WDR7: variants seen among roughly 807,000 people sequenced by gnomAD.
WDR7 encodes the protein WD repeat-containing protein 7.
WDR7 carries 46 observed loss-of-function variants against 169.4 expected under a neutral mutation model. That is an observed-to-expected ratio of 0.27 (90% CI 0.21 to 0.35). WDR7 has a LOEUF of 0.35. Ranked by LOEUF, WDR7 falls within the 10% of genes least tolerant of loss-of-function variation. WDR7 has a pLI of 1.00. For missense variants in WDR7, 1,534 were observed against 1,859.3 expected (o/e 0.83, Z 3.22); for synonymous variants, 612 against 666.8 (o/e 0.92, Z 1.27).
chr18:56,749,830 G>T (rs1454718748), intron 14 of WDR7, among the ~76,000 whole-genome samples: 3 of 151,498 alleles, frequency 2.0e-5, no homozygotes, highest in Non-Finnish European at 4.4e-5. Flanking sequence ...TTATAATATT[G>T]GTTTTAGGAA....
intron 26 of WDR7, among the ~76,000 whole-genome samples, chr18:56,974,049 C>G (rs1226967239): frequency 3.9e-5 from 6 of 152,174 alleles, no homozygotes; most frequent in Admixed American, 1.3e-4. Flanking sequence ...AGTTCTGGAA[C>G]ATTTTTCTTG....
intron 14 of WDR7, among the ~76,000 whole-genome samples, chr18:56,738,708 CA>C (rs1182969210): frequency 6.6e-6 from 1 of 150,422 alleles, no homozygotes; most frequent in Non-Finnish European, 1.5e-5. Flanking sequence ...GAATAGCAAT[CA>C]GGAAATTTCG....
At chr18:56,998,132 G>A (rs937604627) in intron 26 of WDR7, among the ~76,000 whole-genome samples, 2 of 152,080 alleles carry the variant, frequency 1.3e-5, no homozygotes, top group Admixed American at 6.5e-5. Context: ...AGAGTGCTGA[G>A]GTCATTTTTC....
At chr18:56,988,100 C>T (rs140526793) in intron 26 of WDR7, among the ~76,000 whole-genome samples, 192 of 152,276 alleles carry the variant, frequency 1.3e-3, no homozygotes, top group African/African-American at 4.5e-3. Context: ...CTTCAGCCAC[C>T]AGATTTAAGT....
chr18:56,918,793 A>G (rs1280926354), intron 21 of WDR7, among the ~76,000 whole-genome samples: 1 of 152,256 alleles, frequency 6.6e-6, no homozygotes, highest in Non-Finnish European at 1.5e-5. Flanking sequence ...TGCTAGGCAC[A>G]TATGGTATAA....
chr18:56,697,451 AT>A (rs2025728630), intron 12 of WDR7, among the ~76,000 whole-genome samples: 1 of 151,976 alleles, frequency 6.6e-6, no homozygotes, highest in Admixed American at 6.6e-5. Context: ...GTTTCTCATT[AT>A]TTTTCCTGGC....
At chr18:56,811,205 T>C (rs1049171812) in intron 19 of WDR7, among the ~76,000 whole-genome samples, 1 of 152,218 alleles carries the variant, frequency 6.6e-6, no homozygotes, top group African/African-American at 2.4e-5. Context: ...TACTTTCCAC[T>C]TTTTGGCTTT....
chr18:56,991,213 C>T (rs1011998047), intron 26 of WDR7, among the ~76,000 whole-genome samples: 2 of 143,040 alleles, frequency 1.4e-5, no homozygotes, highest in South Asian at 2.2e-4. Flanking sequence ...GTGGCACGAT[C>T]GCGGCTCACC....
At chr18:56,780,429 A>G (rs1302433973) in intron 18 of WDR7, among the ~76,000 whole-genome samples, 1 of 152,194 alleles carries the variant, frequency 6.6e-6, no homozygotes, top group Non-Finnish European at 1.5e-5. Flanking sequence ...TTCATTGAAT[A>G]ATATTTTGAA....
At chr18:56,744,245 G>GAAAAAAAAAAAAAAA (rs58110613) in intron 14 of WDR7, among the ~76,000 whole-genome samples, 1 of 86,884 alleles carries the variant, frequency 1.2e-5, no homozygotes, top group African/African-American at 4.1e-5. Flanking sequence ...TCTCAAAAAA[G>GAAAAAAAAAAAAAAA]AAAAAAAAAA....
Position 56,935,789 on chromosome 18 carries a change from A to C in WDR7, c.3715A>C (p.Ile1239Leu). ...TCCCTTTTTCTGATCCCTGTTTAGC[A>C]TCACAATGGGGTTGCCTCTGAGCCC... ...CADAEKQLAN[I>L]TMGLPLSPAA... Residue 1239 changes from isoleucine to leucine, a missense_variant and splice_region_variant, in exon 23 of 28, where the codon ATC (isoleucine) becomes CTC (leucine). By Grantham distance (5) the Ile-to-Leu change is conservative. Transcript: ENST00000254442. 1 of 1,613,912 alleles carries C rather than the reference A, an allele frequency of 6.2e-7. No individual in the cohort carries two copies. The highest frequency in any genetic ancestry group is 8.5e-7 in the Non-Finnish European group (1 of 1,179,970).
At chr18:56,673,950 T>C (rs148032339) in intron 2 of WDR7, among the ~76,000 whole-genome samples, 96 of 152,342 alleles carry the variant, frequency 6.3e-4, no homozygotes, top group African/African-American at 2.2e-3. Flanking sequence ...ATAATATGTG[T>C]TTTTTTATGA....
intron 20 of WDR7, among the ~76,000 whole-genome samples, chr18:56,818,713 A>G (rs2045027634): frequency 6.6e-6 from 1 of 152,210 alleles, no homozygotes; most frequent in Non-Finnish European, 1.5e-5. Flanking sequence ...TCCTATATAA[A>G]TTGCATTATG....
intron 21 of WDR7, among the ~76,000 whole-genome samples, chr18:56,914,702 C>A (rs1406598074): frequency 1.3e-5 from 2 of 152,098 alleles, no homozygotes; most frequent in African/African-American, 4.8e-5. Context: ...TTATTTACTT[C>A]TTTATTGCTG....
At chr18:56,988,816 A>G (rs2047767397) in intron 26 of WDR7, among the ~76,000 whole-genome samples, 1 of 152,178 alleles carries the variant, frequency 6.6e-6, no homozygotes, top group Non-Finnish European at 1.5e-5. Flanking sequence ...TTTTTAACTT[A>G]TTTGCAATTA....
chr18:56,955,823 A>T (rs372983051), intron 25 of WDR7, among the ~76,000 whole-genome samples: 1 of 152,166 alleles, frequency 6.6e-6, no homozygotes, highest in Non-Finnish European at 1.5e-5. Context: ...CCCCTGTTCC[A>T]TATCAGGACA....
chr18:56,717,964 G>T lies in WDR7; in HGVS notation c.1579G>T (p.Ala527Ser), dbSNP rs780503032. Residue 527 changes from alanine (A) to serine (S), a missense_variant and splice_region_variant, in exon 13 of 28, where the codon GCA becomes TCA. Ala to Ser is a moderately conservative substitution (Grantham distance 99). Transcript: ENST00000254442. ...QLLVPPENCS[A>S]RVQHCICSVA... ...AATTAAGGTTTATTCTTCTTTTCAG[G>T]CAAGAGTACAGCACTGCATCTGCTC... is the stretch of plus-strand genomic sequence containing the variant. 1.0e-5 allele frequency: 16 copies of T among 1,575,594 alleles called. No individual in the cohort carries two copies. Among genetic ancestry groups the T allele is most frequent in the Non-Finnish European group, 1.4e-5 (16 of 1,162,452 alleles).
intron 20 of WDR7, among the ~76,000 whole-genome samples, chr18:56,826,715 A>G (rs748097981): frequency 1.3e-5 from 2 of 152,196 alleles, no homozygotes; most frequent in Non-Finnish European, 2.9e-5. Context: ...ATAAAGATGG[A>G]TGAATTAAAT....
chr18:56,850,759 T>A (rs2045628685), intron 20 of WDR7, among the ~76,000 whole-genome samples: 1 of 152,192 alleles, frequency 6.6e-6, no homozygotes, highest in South Asian at 2.1e-4. Flanking sequence ...GCAGTCCTCC[T>A]GCCTCAGCCT....
Sources: allele counts gnomAD v4.1 joint callset (sites outside exome capture counted in the v4.1 genomes callset), GRCh38; gene constraint gnomAD v4.1.1; transcripts MANE v1.5; gene names NCBI Gene and HGNC (gene_info 2026-07-23, HGNC 2026-07-21).